Variants in SUMF1 observed in about 807,000 individuals in gnomAD.
The protein encoded by SUMF1 is formylglycine-generating enzyme.
A neutral mutation model predicts 47.6 loss-of-function variants in SUMF1; 48 were observed. The observed-to-expected ratio is 1.01, with a 90% CI of 0.80 to 1.28. The LOEUF (loss-of-function observed/expected upper bound fraction) is 1.28. SUMF1 is among the 50% of genes most tolerant of loss of function. The pLI is 0.00. For synonymous variants in SUMF1, 230 were observed against 192.1 expected (o/e 1.20, Z -1.63); for missense variants, 571 against 485.4 (o/e 1.18, Z -1.66).
chr3:4,392,016 C>T (rs753113033), intron 7 of SUMF1, among the ~76,000 whole-genome samples: 32 of 151,872 alleles, frequency 2.1e-4, no homozygotes, highest in Non-Finnish European at 3.4e-4. Flanking sequence ...CTTGTAGAGA[C>T]ATGGTTTCTC....
intron 8 of SUMF1, among the ~76,000 whole-genome samples, chr3:4,326,360 TTGTC>T (rs989767669): frequency 6.6e-6 from 1 of 152,120 alleles, no homozygotes; most frequent in African/African-American, 2.4e-5. Context: ...AGCCAAGAAT[TTGTC>T]TGTGCCTGCA....
rs575717478 is a variant in SUMF1 at position 4,338,771 on chromosome 3, C to T, written c.1014+37559G>A. ...TGTATACCTAGTACAGAGTCTCTCA[C>T]AGGTATACCTAGTACATATGTATAC... is the stretch of plus-strand genomic sequence containing the variant. On this transcript the variant is annotated intron_variant and NMD_transcript_variant, in intron 8 of 12. Transcript: ENST00000448413. Among the ~76,000 whole-genome samples the T allele has an allele frequency of 1.6e-4, 25 of 152,198 alleles. No individual in the cohort carries two copies. In the South Asian group the frequency reaches 5.0e-3, roughly 30 times the overall value.
chr3:4,415,794 C>A (rs908017369), intron 6 of SUMF1, among the ~76,000 whole-genome samples: 1 of 152,098 alleles, frequency 6.6e-6, no homozygotes, highest in Non-Finnish European at 1.5e-5. Flanking sequence ...GCCTGAGTGA[C>A]AGAGTGAGAC....
At position 4,385,209 on chromosome 3, in the gene SUMF1, C is replaced by G. The variant is rs79662640; in HGVS notation, c.955-8820G>C. ...CTGAATGTTTAGGTTTTAAAGAAAA[C>G]GTCAAATTGTTTTCCAGAATGGCTG... On this transcript the variant is annotated intron_variant, in intron 7 of 8. Coordinates refer to ENST00000272902, the MANE Select transcript of SUMF1 (RefSeq NM_182760.4). 2.6e-5 allele frequency among the ~76,000 whole-genome samples: 4 copies of G among 152,122 alleles called. No homozygotes were observed. The East Asian group carries it at 7.7e-4, about 29-fold the overall frequency.
At chr3:4,444,649 T>C (rs1702719295) in intron 3 of SUMF1, among the ~76,000 whole-genome samples, 1 of 152,226 alleles carries the variant, frequency 6.6e-6, no homozygotes, top group African/African-American at 2.4e-5. Flanking sequence ...TCATCCCCTG[T>C]GTCCTTGAAA....
chr3:4,361,017 A>G (rs1201727290), downstream of SUMF1: 3 of 152,242 alleles, frequency 2.0e-5, no homozygotes, highest in African/African-American at 4.8e-5. Flanking sequence ...AATTACCCAC[A>G]TATCAAAGTT....
chr3:4,452,419 C>T (rs939005353), intron 2 of SUMF1, among the ~76,000 whole-genome samples: 4 of 152,180 alleles, frequency 2.6e-5, no homozygotes, highest in Non-Finnish European at 4.4e-5. Context: ...TGCACTTCTG[C>T]ATTTATCACT....
At chr3:4,397,744 T>C (rs1021102080) in intron 7 of SUMF1, among the ~76,000 whole-genome samples, 1 of 152,174 alleles carries the variant, frequency 6.6e-6, no homozygotes, top group African/African-American at 2.4e-5. Context: ...TATAATTGCA[T>C]GCTACCAGAT....
At chr3:4,149,375 A>G (rs1384572585) in intron 8 of SUMF1, among the ~76,000 whole-genome samples, 1 of 152,114 alleles carries the variant, frequency 6.6e-6, no homozygotes, top group Non-Finnish European at 1.5e-5. Flanking sequence ...CTCCTTAAAC[A>G]TGCACTTCAA....
At chr3:4,118,968 A>G (rs889474860) in intron 8 of SUMF1, among the ~76,000 whole-genome samples, 4 of 152,154 alleles carry the variant, frequency 2.6e-5, no homozygotes, top group Admixed American at 2.0e-4. Context: ...CTTGACTTCC[A>G]GCTGTCTATA....
chr3:4,159,426 A>G (rs1250535181), intron 8 of SUMF1, among the ~76,000 whole-genome samples: 1 of 147,824 alleles, frequency 6.8e-6, no homozygotes, highest in African/African-American at 2.7e-5. Flanking sequence ...CAAAAAAACC[A>G]TAATACAAAC....
intron 8 of SUMF1, among the ~76,000 whole-genome samples, chr3:4,328,808 C>A (rs1698995236): frequency 6.6e-6 from 1 of 152,142 alleles, no homozygotes; most frequent in African/African-American, 2.4e-5. Context: ...AATCCAAAGT[C>A]TCATCTGAGA....
chr3:4,240,840 T>G (rs1027470959), intron 8 of SUMF1, among the ~76,000 whole-genome samples: 3 of 151,938 alleles, frequency 2.0e-5, no homozygotes, highest in Non-Finnish European at 4.4e-5. Context: ...TGTATTCATT[T>G]TATAATCAGA....
chr3:4,073,129 C>T lies in SUMF1; in HGVS notation c.1015-4384G>A, dbSNP rs542176456. Reference sequence around the variant, plus strand: ...AAAGGGCAGCCCATCAGACTAACAGCGGATCTCTCTGCAGAAACCCTATAA... The same window carrying T: ...AAAGGGCAGCCCATCAGACTAACAGTGGATCTCTCTGCAGAAACCCTATAA... On this transcript the variant is annotated intron_variant and NMD_transcript_variant, in intron 8 of 12. Coordinates refer to the SUMF1 transcript ENST00000448413. Among the ~76,000 whole-genome samples the T allele has an allele frequency of 2.2e-4, 34 of 152,282 alleles. 1 individual carries two copies. Among genetic ancestry groups the T allele is most frequent in the African/African-American group, 6.0e-4 (25 of 41,544 alleles).
intron 8 of SUMF1, among the ~76,000 whole-genome samples, chr3:4,132,050 G>C (rs1693804093): frequency 6.6e-6 from 1 of 152,176 alleles, no homozygotes; most frequent in Non-Finnish European, 1.5e-5. Flanking sequence ...AGGGTGATCA[G>C]CCAGCTACCT....
chr3:4,086,113 G>A (rs1156476642), intron 8 of SUMF1, among the ~76,000 whole-genome samples: 1 of 150,994 alleles, frequency 6.6e-6, no homozygotes, highest in Non-Finnish European at 1.5e-5. Context: ...AGAAACAAGG[G>A]CCATTAAACA....
At position 4,329,596 on chromosome 3, in the gene SUMF1, A is replaced by G. The variant is rs1190299020; in HGVS notation, c.1014+46734T>C. On this transcript the variant is annotated intron_variant and NMD_transcript_variant, in intron 8 of 12. Coordinates refer to the SUMF1 transcript ENST00000448413. Reference sequence around the variant, plus strand: ...AGCAGCAAGGCCCTGGGCCCAGCCCACAAAACCATTTTTCCCTCCTATGCC... The same window carrying G: ...AGCAGCAAGGCCCTGGGCCCAGCCCGCAAAACCATTTTTCCCTCCTATGCC... 2.6e-5 allele frequency among the ~76,000 whole-genome samples: 4 copies of G among 152,320 alleles called. No individual in the cohort carries two copies. In the East Asian group the frequency reaches 7.8e-4, roughly 30 times the overall value.
At chr3:4,151,075 C>T (rs1246574003) in intron 8 of SUMF1, among the ~76,000 whole-genome samples, 2 of 151,292 alleles carry the variant, frequency 1.3e-5, no homozygotes, top group African/African-American at 2.5e-5. Context: ...GGGGCCTCAT[C>T]TTTTAGAATC....
At chr3:4,128,278 A>T (rs548081527) in intron 8 of SUMF1, among the ~76,000 whole-genome samples, 9 of 152,286 alleles carry the variant, frequency 5.9e-5, no homozygotes, top group African/African-American at 2.2e-4. Context: ...TCTACTGTTA[A>T]AGTGAGGGCA....
Sources: gnomAD v4.1 joint callset for allele counts (sites outside exome capture counted in the v4.1 genomes callset) on GRCh38, gnomAD v4.1.1 for gene constraint, MANE v1.5 for transcripts, NCBI Gene and HGNC (gene_info 2026-07-23, HGNC 2026-07-21) for gene names.